STK4: variants seen among roughly 807,000 people sequenced by gnomAD.
STK4 encodes serine/threonine-protein kinase 4.
In STK4, 30 loss-of-function variants were observed where a neutral mutation model predicts 64.9. The observed-to-expected ratio is 0.46, with a 90% confidence interval of 0.35 to 0.63. The LOEUF (loss-of-function observed/expected upper bound fraction) is 0.63. STK4 is among the 20% of genes least tolerant of loss of function. STK4 has a pLI of 0.01. For missense variants in STK4, 466 were observed against 598.5 expected (o/e 0.78, Z 2.31); for synonymous variants, 177 against 199.0 (o/e 0.89, Z 0.93).
At chr20:45,055,002 A>G (rs902294054) in intron 10 of STK4, among the ~76,000 whole-genome samples, 10 of 152,142 alleles carry the variant, frequency 6.6e-5, no homozygotes, top group African/African-American at 2.4e-4. Flanking sequence ...CTGATTTACC[A>G]AGAATAGCAA....
At chr20:45,069,223 C>T (rs1211178446) in intron 10 of STK4, among the ~76,000 whole-genome samples, 1 of 152,158 alleles carries the variant, frequency 6.6e-6, no homozygotes, top group Admixed American at 6.5e-5. Flanking sequence ...TCTAAATAAC[C>T]ATGATTAAGA....
intron 10 of STK4, among the ~76,000 whole-genome samples, chr20:45,037,635 T>A (rs1378881704): frequency 6.6e-6 from 1 of 152,134 alleles, no homozygotes; most frequent in East Asian, 1.9e-4. Flanking sequence ...GAAGGATAAA[T>A]TTTAGCCCTG....
At chr20:45,072,529 A>G (rs1196535371) in intron 10 of STK4, among the ~76,000 whole-genome samples, 5 of 152,200 alleles carry the variant, frequency 3.3e-5, no homozygotes, top group Non-Finnish European at 5.9e-5. Flanking sequence ...ATTAAAATGT[A>G]AGCTTCACAA....
chr20:45,077,435 C>G lies in STK4; in HGVS notation c.*2259C>G, dbSNP rs1305463315. 1 of 152,578 alleles carries G rather than the reference C, an allele frequency of 6.6e-6. No individual in the cohort carries two copies. The highest frequency in any genetic ancestry group is 1.9e-4 in the East Asian group (1 of 5,198). 9.5% of individuals were successfully genotyped at this position (152,578 alleles called of 1,614,324 possible). ...TTTTATTCTTTGAGATGGATTTTCG[C>G]TCTTGTCGCCCAGGCTGGAGTACAA... On this transcript the variant is annotated 3_prime_UTR_variant, in exon 11 of 11. Coordinates refer to ENST00000372806, the MANE Select transcript of STK4 (RefSeq NM_006282.5).
chr20:45,056,214 T>A (rs915329386), intron 10 of STK4, among the ~76,000 whole-genome samples: 1 of 152,220 alleles, frequency 6.6e-6, no homozygotes, highest in Non-Finnish European at 1.5e-5. Context: ...TTAATAGAAA[T>A]ATACAGTTGT....
In STK4 at chr20:45,075,357, T is replaced by C. The variant is rs554657221; in HGVS notation, c.*181T>C. The C allele has an allele frequency of 1.4e-6, 1 of 694,878 alleles. No individual in the cohort carries two copies. The highest frequency in any genetic ancestry group is 2.3e-6 in the Non-Finnish European group (1 of 426,658). 43.0% of individuals were successfully genotyped at this position (694,878 alleles called of 1,614,324 possible). A position where few individuals can be genotyped will look rare whatever the true frequency, so the allele number is the denominator to read the frequency against. On this transcript the variant is annotated 3_prime_UTR_variant, in exon 11 of 11. Transcript: ENST00000372806. ...ACAGTCAGCGTGCCATCTTGATGTG[T>C]GTATGTACATTGGTCAGGTATATTA...
intron 9 of STK4, among the ~76,000 whole-genome samples, chr20:45,020,693 A>G (rs2068231491): frequency 6.6e-6 from 1 of 152,128 alleles, no homozygotes; most frequent in South Asian, 2.1e-4. Context: ...AGCTGGTGCA[A>G]TAACAGCTGG....
At chr20:45,007,756 T>C (rs977444528) in intron 9 of STK4, 3 of 412,486 alleles carry the variant, frequency 7.3e-6, no homozygotes, top group African/African-American at 6.2e-5. Flanking sequence ...TTTATTCATT[T>C]ATTTATTTAA....
At chr20:45,061,802 T>C (rs916685568) in intron 10 of STK4, among the ~76,000 whole-genome samples, 14 of 151,826 alleles carry the variant, frequency 9.2e-5, no homozygotes, top group African/African-American at 2.9e-4. Flanking sequence ...CTGTATGTAC[T>C]CATGTTTTTG....
intron 9 of STK4, among the ~76,000 whole-genome samples, chr20:45,006,402 T>C (rs372798081): frequency 1.3e-5 from 2 of 152,072 alleles, no homozygotes; most frequent in African/African-American, 4.8e-5. Context: ...TCCGGGCTTG[T>C]CTTACAGATT....
intron 9 of STK4, among the ~76,000 whole-genome samples, chr20:45,021,241 A>G (rs2068242459): frequency 6.6e-6 from 1 of 152,204 alleles, no homozygotes; most frequent in Admixed American, 6.5e-5. Flanking sequence ...GAAGATACCA[A>G]GAGGAAATTG....
rs372125666 is a variant in STK4, at chr20:44,997,247, G to A, written c.772G>A (p.Val258Met). ...ATGGTCAGATAACTTTACAGATTTT[G>A]TGAAACAGTGTCTTGTAAAGAGCCC... is the stretch of plus-strand genomic sequence containing the variant. ...ELWSDNFTDF[V>M]KQCLVKSPEQ... The change falls in exon 7 of 11, where the codon GTG becomes ATG. Residue 258 changes from valine to methionine, a missense_variant. Around this residue, in one of 2 missense-constraint regions of STK4, gnomAD observed 276 missense variants for 308.9 expected, o/e 0.89. Transcript: ENST00000372806. 69 of 1,613,674 alleles carry A rather than the reference G, an allele frequency of 4.3e-5. No individual in the cohort carries two copies. The highest frequency in any genetic ancestry group is 5.6e-5 in the Non-Finnish European group (66 of 1,179,880).
At chr20:44,970,250 A>G (rs2067220762) in intron 1 of STK4, among the ~76,000 whole-genome samples, 3 of 152,138 alleles carry the variant, frequency 2.0e-5, no homozygotes, top group East Asian at 3.8e-4. Context: ...AAAAAAGAAA[A>G]AAAAAGTTTG....
chr20:45,000,597 T>A (rs1229141845), intron 8 of STK4, 77 bp downstream of exon 8: 1 of 1,585,276 alleles, frequency 6.3e-7, no homozygotes, highest in East Asian at 2.3e-5. Context: ...GTAAGATGAG[T>A]AGGAGGTATT....
intron 10 of STK4, among the ~76,000 whole-genome samples, chr20:45,032,179 A>G (rs1210580768): frequency 6.6e-6 from 1 of 152,236 alleles, no homozygotes; most frequent in Non-Finnish European, 1.5e-5. Flanking sequence ...AACGCAATTA[A>G]CAACACTGAT....
chr20:44,978,349 A>G (rs533995604), intron 2 of STK4, 94 bp from the exon 3 acceptor site: 6 of 1,436,806 alleles, frequency 4.2e-6, no homozygotes, highest in Non-Finnish European at 5.6e-6. Context: ...ACTTAGGGAT[A>G]TATGTTAGAA....
At chr20:44,988,631 C>T (rs1414915102) in intron 5 of STK4, among the ~76,000 whole-genome samples, 3 of 143,318 alleles carry the variant, frequency 2.1e-5, no homozygotes, top group African/African-American at 7.8e-5. Flanking sequence ...TTACAGTGTT[C>T]TTATTGCTAT....
rs549460560 is a variant in STK4 at position 45,046,745 on chromosome 20, G to T, written c.1305+21615G>T. On this transcript the variant is annotated intron_variant, in intron 10 of 10. Coordinates refer to ENST00000372806, the MANE Select transcript of STK4 (RefSeq NM_006282.5). ...CACCTAGGCTGGAGTGCAGTGGCGT[G>T]ATCTCGGCTCACTGCAACCTCCGCC... 5.9e-3 allele frequency among the ~76,000 whole-genome samples: 897 copies of T among 151,544 alleles called. 14 individuals are homozygous for T. The highest frequency in any genetic ancestry group is 0.024 in the South Asian group (113 of 4,796).
chr20:44,985,340 C>T (rs1301576861), intron 4 of STK4, among the ~76,000 whole-genome samples: 3 of 151,936 alleles, frequency 2.0e-5, no homozygotes, highest in Non-Finnish European at 4.4e-5. Context: ...AACGGTTAGC[C>T]TTTATTTATT....
Sources: allele counts gnomAD v4.1 joint callset (sites outside exome capture counted in the v4.1 genomes callset), GRCh38; gene constraint gnomAD v4.1.1; regional missense constraint gnomAD v4.1.1; transcripts MANE v1.5; gene names NCBI Gene and HGNC (gene_info 2026-07-23, HGNC 2026-07-21).